ADORA2B: variants seen among roughly 807,000 people sequenced by gnomAD.
ADORA2B encodes adenosine A2b receptor, also known as adenosine receptor A2b.
A neutral mutation model predicts 20.8 loss-of-function variants in ADORA2B; 18 were observed. The observed-to-expected ratio is 0.87, with a 90% CI of 0.60 to 1.29. The LOEUF (loss-of-function observed/expected upper bound fraction) is 1.29. Ranked by LOEUF, ADORA2B falls within the 50% of genes most tolerant of loss-of-function variation. The pLI is 0.00. For missense variants in ADORA2B, 441 were observed against 422.7 expected, an observed-to-expected ratio of 1.04 and a Z score of -0.38; for synonymous variants, 179 against 178.3, an observed-to-expected ratio of 1.00 and a Z score of -0.03.
At chr17:15,960,732 C>T (rs867038359) in intron 1 of ADORA2B, among the ~76,000 whole-genome samples, 2 of 149,880 alleles carry the variant, frequency 1.3e-5, no homozygotes, top group South Asian at 2.1e-4. Context: ...AAAAATTAGC[C>T]GGGCATGGTG....
the ADORA2B span, among the ~76,000 whole-genome samples, chr17:15,924,993 G>T: frequency 1.3e-5 from 2 of 151,760 alleles, no homozygotes; most frequent in Non-Finnish European, 2.9e-5. Flanking sequence ...TCCTGCCTCA[G>T]CCTCTGAGTA....
the ADORA2B span, among the ~76,000 whole-genome samples, chr17:15,898,796 G>C: frequency 6.6e-6 from 1 of 152,174 alleles, no homozygotes; most frequent in African/African-American, 2.4e-5. Flanking sequence ...TGGTCTGTGA[G>C]GAGCTGCTGA....
In ADORA2B at chr17:15,945,641, T is replaced by C. The variant is rs1969793943; in HGVS notation, c.335+58T>C. 3 of 1,401,996 alleles carry C rather than the reference T, an allele frequency of 2.1e-6. No individual in the cohort carries two copies. In the East Asian group the frequency reaches 7.8e-5, roughly 37 times the overall value. The allele number at this position is 1,401,996 out of a possible 1,614,324, so 86.8% of individuals were successfully genotyped here. ...CCCGTCGGAGCTCCGAAATGGGTCG[T>C]CTTCTCCAGGCCGGGGTTCCTCCCT... On this transcript the variant is annotated intron_variant, in intron 1 of 1. Coordinates refer to ENST00000304222, the MANE Select transcript of ADORA2B (RefSeq NM_000676.4).
chr17:15,945,191 C>G lies in ADORA2B; in HGVS notation c.-58C>G. ...GCCATGCCCGGCGGGTCTCACGCGG[C>G]TGCCCCTCGCCCGGCGCGCCTTCGG... On this transcript the variant is annotated 5_prime_UTR_variant, in exon 1 of 2. Coordinates refer to ENST00000304222, the MANE Select transcript of ADORA2B (RefSeq NM_000676.4). 2 of 1,354,198 alleles carry G rather than the reference C, an allele frequency of 1.5e-6. No individual in the cohort carries two copies. Among genetic ancestry groups the G allele is most frequent in the South Asian group, 1.7e-5 (1 of 58,038 alleles). The allele number at this position is 1,354,198 out of a possible 1,614,324, so 83.9% of individuals were successfully genotyped here.
At chr17:15,892,574 G>A in the ADORA2B span, among the ~76,000 whole-genome samples, 14 of 152,134 alleles carry the variant, frequency 9.2e-5, no homozygotes, top group African/African-American at 2.4e-4. Context: ...GAGCCATGAC[G>A]CCTGGCCCAT....
the ADORA2B span, among the ~76,000 whole-genome samples, chr17:15,888,879 TC>T: frequency 1.3e-5 from 1 of 75,290 alleles, no homozygotes; most frequent in Non-Finnish European, 2.5e-5. Context: ...TTTTTTTTTT[TC>T]GAGACAGAGT....
chr17:15,958,718 A>G (rs1376728961), intron 1 of ADORA2B, among the ~76,000 whole-genome samples: 2 of 151,648 alleles, frequency 1.3e-5, no homozygotes, highest in Non-Finnish European at 2.9e-5. Flanking sequence ...CCTTCTCTCT[A>G]TCTCTTTGCC....
At chr17:15,952,102 A>C (rs933184284) in intron 1 of ADORA2B, among the ~76,000 whole-genome samples, 1 of 151,954 alleles carries the variant, frequency 6.6e-6, no homozygotes, top group Non-Finnish European at 1.5e-5. Flanking sequence ...GGTAAATGAA[A>C]AAAAAGTCAA....
intron 1 of ADORA2B, among the ~76,000 whole-genome samples, chr17:15,952,819 G>C (rs1969921707): frequency 6.6e-6 from 1 of 152,180 alleles, no homozygotes. Context: ...TTTTGCCTCA[G>C]ATTTATTAGT....
the ADORA2B span, among the ~76,000 whole-genome samples, chr17:15,877,140 C>A: frequency 6.6e-6 from 1 of 152,114 alleles, no homozygotes; most frequent in Non-Finnish European, 1.5e-5. Context: ...ATATATTTAA[C>A]TTCTAGGATT....
the ADORA2B span, among the ~76,000 whole-genome samples, chr17:15,896,336 G>A: frequency 1.3e-5 from 2 of 151,942 alleles, no homozygotes; most frequent in Non-Finnish European, 2.9e-5. Context: ...AGAGATAAAG[G>A]GAGCAATAGA....
At chr17:15,878,604 C>CT in the ADORA2B span, among the ~76,000 whole-genome samples, 3 of 152,130 alleles carry the variant, frequency 2.0e-5, no homozygotes, top group African/African-American at 7.2e-5. Flanking sequence ...ACCTCTTGTA[C>CT]TTTTTTGGGT....
At chr17:15,888,821 T>A in the ADORA2B span, among the ~76,000 whole-genome samples, 1 of 14,046 alleles carries the variant, frequency 7.1e-5, no homozygotes, top group Non-Finnish European at 1.3e-4. Context: ...ATGCCATATA[T>A]ATATATATAT....
chr17:15,946,363 C>A (rs989463494), intron 1 of ADORA2B, among the ~76,000 whole-genome samples: 2 of 152,228 alleles, frequency 1.3e-5, no homozygotes, highest in Admixed American at 6.5e-5. Flanking sequence ...TCCACTCTTT[C>A]TCCCACACTG....
chr17:15,972,808 A>G (rs1171717562), intron 1 of ADORA2B, among the ~76,000 whole-genome samples: 2 of 152,056 alleles, frequency 1.3e-5, no homozygotes, highest in Admixed American at 6.6e-5. Flanking sequence ...GCTGGAGTGC[A>G]GTGGTGCAAT....
the ADORA2B span, among the ~76,000 whole-genome samples, chr17:15,885,227 G>A: frequency 1.3e-5 from 2 of 152,208 alleles, no homozygotes; most frequent in South Asian, 4.1e-4. Flanking sequence ...TTTTCCAGAA[G>A]TGTCTGTTCA....
At chr17:15,894,093 A>G in the ADORA2B span, among the ~76,000 whole-genome samples, 1 of 152,310 alleles carries the variant, frequency 6.6e-6, no homozygotes, top group Middle Eastern at 3.4e-3. Context: ...CATACTTTGG[A>G]AAATGCTGTG....
In ADORA2B at chr17:15,966,557, C is replaced by T. The variant is rs532218948; in HGVS notation, c.336-8122C>T. On this transcript the variant is annotated intron_variant, in intron 1 of 1. Transcript: ENST00000304222. ...CCAGTGCTTGTTATGCAGGCCTTGG[C>T]GGTTCCCCGTTTCCTTACGTAACCT... is the stretch of plus-strand genomic sequence containing the variant. Among the ~76,000 whole-genome samples, 22 of 152,346 alleles carry T rather than the reference C, an allele frequency of 1.4e-4. No homozygotes were observed. The South Asian group carries it at 4.1e-3, about 29-fold the overall frequency.
intron 1 of ADORA2B, among the ~76,000 whole-genome samples, chr17:15,960,718 AC>A (rs1279461419): frequency 1.3e-5 from 2 of 149,714 alleles, no homozygotes; most frequent in African/African-American, 5.0e-5. Flanking sequence ...AAAAACACAC[AC>A]AAAAAAATTA....
Sources: allele counts gnomAD v4.1 joint callset (sites outside exome capture counted in the v4.1 genomes callset), GRCh38; gene constraint gnomAD v4.1.1; transcripts MANE v1.5; gene names NCBI Gene and HGNC (gene_info 2026-07-23, HGNC 2026-07-21).